Variants in OSBPL9 observed in about 807,000 individuals in gnomAD.
OSBPL9 encodes the protein oxysterol-binding protein-related protein 9.
A neutral mutation model predicts 106.6 loss-of-function variants in OSBPL9; 40 were observed. The ratio of observed to expected loss-of-function variants is 0.38; its 90% CI spans 0.29 to 0.49. The LOEUF (loss-of-function observed/expected upper bound fraction) is 0.49, where lower values mean the gene tolerates loss of function less well. Ranked by LOEUF, OSBPL9 falls within the 20% of genes least tolerant of loss-of-function variation. The pLI, the probability that OSBPL9 is intolerant of heterozygous loss-of-function variation, is 0.97. For missense variants in OSBPL9, 609 were observed against 887.2 expected (o/e 0.69, Z 3.98); for synonymous variants, 269 against 295.4 (o/e 0.91, Z 0.92).
rs1413317944 is a variant in OSBPL9, at chr1:51,788,597, G to C, written c.*808G>C. 1 of 152,330 alleles carries C rather than the reference G, an allele frequency of 6.6e-6. No homozygotes were observed. The highest frequency in any genetic ancestry group is 2.4e-5 in the African/African-American group (1 of 41,446). The allele number at this position is 152,330 out of a possible 1,614,324, so 9.4% of individuals were successfully genotyped here. On this transcript the variant is annotated 3_prime_UTR_variant, in exon 24 of 24. Coordinates refer to ENST00000428468, the MANE Select transcript of OSBPL9 (RefSeq NM_024586.6). ...GAGGATCCATTCTTTTCCTCTGTCA[G>C]ATTGTATGTTCTGTCTTTAGCCCCT...
At chr1:51,679,123 G>C (rs947971135) in intron 3 of OSBPL9, among the ~76,000 whole-genome samples, 1 of 152,040 alleles carries the variant, frequency 6.6e-6, no homozygotes, top group Non-Finnish European at 1.5e-5. Flanking sequence ...TACTGAATTC[G>C]TGTATTGGGA....
chr1:51,556,773 G>C, the OSBPL9 span, among the ~76,000 whole-genome samples: 1 of 133,058 alleles, frequency 7.5e-6, no homozygotes, highest in African/African-American at 2.5e-5. Flanking sequence ...ATGACAGAGT[G>C]AGACTCTGTC....
intron 16 of OSBPL9, among the ~76,000 whole-genome samples, chr1:51,782,139 A>T (rs537802686): frequency 6.6e-6 from 1 of 152,314 alleles, no homozygotes; most frequent in South Asian, 2.1e-4. Flanking sequence ...ACTCAAATGC[A>T]TGTAAAAAGG....
At chr1:51,613,459 G>A (rs1436689559), upstream of OSBPL9, among the ~76,000 whole-genome samples, 1 of 152,178 alleles carries the variant, frequency 6.6e-6, no homozygotes, top group Non-Finnish European at 1.5e-5. Flanking sequence ...GGGTAAGTTT[G>A]TTCATTTCTT....
In OSBPL9 at chr1:51,729,871, G is replaced by C. The variant is rs1448708400; in HGVS notation, c.319-15665G>C. ...GGCTGAACCTCAGTCAGGACCGCCT[G>C]CACCGCAGTCCGGGGATCGGGTCGA... On this transcript the variant is annotated intron_variant, in intron 4 of 23. Transcript: ENST00000428468. The surrounding 1 kb of genome is among the most constrained non-coding windows in gnomAD (Gnocchi z 5.1). 8.0e-7 allele frequency: 1 copy of C among 1,252,836 alleles called. No individual in the cohort carries two copies. Among genetic ancestry groups the C allele is most frequent in the African/African-American group, 1.5e-5 (1 of 64,674 alleles). The allele number at this position is 1,252,836 out of a possible 1,614,324, so 77.6% of individuals were successfully genotyped here. A position where few individuals can be genotyped will look rare whatever the true frequency, so the allele number is the denominator to read the frequency against.
Position 51,756,369 on chromosome 1 carries a change from T to C in OSBPL9, c.582+11T>C. ...GCAGATGGAATGATAGTAAGTTTAATGTAATCTTTTTGTTTCCCTTTACTT... is the reference window on the plus strand; with the variant it reads ...GCAGATGGAATGATAGTAAGTTTAACGTAATCTTTTTGTTTCCCTTTACTT... On this transcript the variant is annotated intron_variant, in intron 9 of 23. Transcript: ENST00000428468. The C allele has an allele frequency of 1.9e-6, 3 of 1,611,872 alleles. No individual in the cohort carries two copies. Among genetic ancestry groups the C allele is most frequent in the Non-Finnish European group, 2.5e-6 (3 of 1,178,442 alleles).
At chr1:51,715,680 A>G (rs146058031) in intron 4 of OSBPL9, among the ~76,000 whole-genome samples, 179 of 152,324 alleles carry the variant, frequency 1.2e-3, no homozygotes, top group African/African-American at 4.1e-3. Flanking sequence ...TCAACATTCA[A>G]CAAGAGCCAC....
chr1:51,765,736 A>T, intron 11 of OSBPL9, 86 bp from the exon 12 acceptor site: 4 of 1,275,658 alleles, frequency 3.1e-6, no homozygotes, highest in Non-Finnish European at 4.2e-6. Context: ...CTCTTTTTTG[A>T]TTTTAGAAAA....
chr1:51,651,783 A>G (rs1166223186), intron 1 of OSBPL9, among the ~76,000 whole-genome samples: 1 of 152,208 alleles, frequency 6.6e-6, no homozygotes, highest in African/African-American at 2.4e-5. Flanking sequence ...GTAAAGTTCT[A>G]TGATTAGGTT....
At chr1:51,527,333 A>ATGATGATGATGATGGTGG in the OSBPL9 span, among the ~76,000 whole-genome samples, 1 of 114,226 alleles carries the variant, frequency 8.8e-6, no homozygotes, top group South Asian at 2.8e-4. Context: ...GATGATGGTG[A>ATGATGATGATGATGGTGG]TGATGATGAT....
chr1:51,536,612 C>G, the OSBPL9 span, among the ~76,000 whole-genome samples: 2 of 152,190 alleles, frequency 1.3e-5, no homozygotes, highest in Non-Finnish European at 2.9e-5. Context: ...AGCCACCACA[C>G]CTAGCCTGTT....
intron 15 of OSBPL9, among the ~76,000 whole-genome samples, chr1:51,778,131 G>A (rs1002881343): frequency 1.3e-5 from 2 of 152,074 alleles, no homozygotes; most frequent in Non-Finnish European, 2.9e-5. Context: ...ACTGCAGCTT[G>A]GGTGACAGAG....
chr1:51,707,595 G>T, intron 3 of OSBPL9: 1 of 181,076 alleles, frequency 5.5e-6, no homozygotes, highest in South Asian at 1.2e-4. Context: ...TCTTCTGGGT[G>T]GCAGTGATGG....
At chr1:51,717,690 T>C (rs747399898) in intron 4 of OSBPL9, among the ~76,000 whole-genome samples, 13 of 150,772 alleles carry the variant, frequency 8.6e-5, no homozygotes, top group South Asian at 6.2e-4. Flanking sequence ...TTTTTTTTTT[T>C]CCAAAAGACA....
At chr1:51,523,688 C>A in the OSBPL9 span, among the ~76,000 whole-genome samples, 1 of 152,118 alleles carries the variant, frequency 6.6e-6, no homozygotes, top group Non-Finnish European at 1.5e-5. Context: ...TTTACGATAG[C>A]CCTAAATCCA....
intron 6 of OSBPL9, 65 bp downstream of exon 6, chr1:51,746,822 GT>G: frequency 8.5e-6 from 11 of 1,289,832 alleles, no homozygotes; most frequent in Non-Finnish European, 1.2e-5. Context: ...AGAACACTAA[GT>G]ATCTTAGTGT....
At chr1:51,579,318 G>A (rs11205867) in intron 1 of OSBPL9, among the ~76,000 whole-genome samples, 24,056 of 152,058 alleles carry the variant, frequency 0.16, 3,676 homozygotes, top group African/African-American at 0.4. Flanking sequence ...TAATCTGTGC[G>A]TATGTGTATA....
chr1:51,584,838 T>G (rs1645238499), intron 1 of OSBPL9, among the ~76,000 whole-genome samples: 1 of 152,202 alleles, frequency 6.6e-6, no homozygotes, highest in Non-Finnish European at 1.5e-5. Context: ...AATCAATCTC[T>G]GTTACAAATC....
intron 3 of OSBPL9, among the ~76,000 whole-genome samples, chr1:51,691,272 A>ATTTTTTTTTTTTTTTTTTTTTTTTT: frequency 6.9e-6 from 1 of 145,544 alleles, no homozygotes. Flanking sequence ...GCTTGCTGTA[A>ATTTTTTTTTTTTTTTTTTTTTTTTT]CTTTTTTTTT....
Sources: allele counts gnomAD v4.1 joint callset (sites outside exome capture counted in the v4.1 genomes callset), GRCh38; gene constraint gnomAD v4.1.1; non-coding constraint Gnocchi (gnomAD v3.1); transcripts MANE v1.5; gene names NCBI Gene and HGNC (gene_info 2026-07-23, HGNC 2026-07-21).